Variants in BLK observed in about 807,000 individuals in gnomAD.
The protein encoded by BLK is tyrosine-protein kinase Blk.
In BLK, 64 loss-of-function variants were observed where a neutral mutation model predicts 61.8. The ratio of observed to expected loss-of-function variants is 1.03; its 90% CI spans 0.85 to 1.27. The LOEUF is 1.27. Among genes scored for constraint, BLK ranks in the 50% most tolerant of loss-of-function variants. The pLI is 0.00. For missense variants in BLK, 853 were observed against 660.5 expected (o/e 1.29, Z -3.19); for synonymous variants, 351 against 272.0 (o/e 1.29, Z -2.86).
Position 11,549,137 on chromosome 8 carries a change from G to C in BLK, c.368+15G>C. The C allele has an allele frequency of 1.3e-6, 2 of 1,586,220 alleles. 1 individual carries two copies. The highest frequency in any genetic ancestry group is 3.3e-4 in the Middle Eastern group (2 of 6,030). On this transcript the variant is annotated intron_variant, in intron 5 of 12. Coordinates refer to ENST00000259089, the MANE Select transcript of BLK (RefSeq NM_001715.3). Reference sequence around the variant, plus strand: ...GAAATGGAAAGGTAGGTGGGCACGGGAACCCCCCTCGAGCCAAGATGCAGT... The same window carrying C: ...GAAATGGAAAGGTAGGTGGGCACGGCAACCCCCCTCGAGCCAAGATGCAGT...
chr8:11,518,284 C>A (rs1442615628), intron 1 of BLK, among the ~76,000 whole-genome samples: 1 of 152,170 alleles, frequency 6.6e-6, no homozygotes, highest in East Asian at 1.9e-4. Context: ...ACGGTGCATC[C>A]TGTTAGAGCT....
intron 1 of BLK, among the ~76,000 whole-genome samples, chr8:11,519,499 A>G (rs968212233): frequency 3.3e-5 from 5 of 152,220 alleles, no homozygotes; most frequent in African/African-American, 1.2e-4. Context: ...AGTGGTATTT[A>G]CTATTAGCTT....
chr8:11,510,840 G>C lies in BLK; in HGVS notation c.-2+16249G>C, dbSNP rs187758278. Among the ~76,000 whole-genome samples the C allele has an allele frequency of 1.1e-3, 172 of 152,096 alleles. 2 individuals are homozygous for C. The highest frequency in any genetic ancestry group is 1.4e-3 in the Non-Finnish European group (94 of 67,994). Reference sequence around the variant, plus strand: ...AAATACATAAATAAAGTGCCTCTTTGTTAAGGCAGTTGCTTCTATTTCTAC... The same window carrying C: ...AAATACATAAATAAAGTGCCTCTTTCTTAAGGCAGTTGCTTCTATTTCTAC... On this transcript the variant is annotated intron_variant, in intron 1 of 12. Transcript: ENST00000259089.
intron 10 of BLK, chr8:11,560,675 C>T (rs1333797005): frequency 1.1e-5 from 4 of 358,666 alleles, no homozygotes; most frequent in Non-Finnish European, 1.1e-5. Context: ...TCTTCACAGC[C>T]TCTGTCCACC....
chr8:11,514,269 C>A (rs1295735439), intron 1 of BLK, among the ~76,000 whole-genome samples: 1 of 152,238 alleles, frequency 6.6e-6, no homozygotes, highest in Non-Finnish European at 1.5e-5. Flanking sequence ...GAGCCTTGAT[C>A]TGTCCACAGG....
intron 1 of BLK, among the ~76,000 whole-genome samples, chr8:11,500,630 C>A (rs552358488): frequency 6.6e-6 from 1 of 152,044 alleles, no homozygotes; most frequent in East Asian, 2.0e-4. Flanking sequence ...ATCCTCCCAC[C>A]TCAGCCTCCC....
At chr8:11,562,866 G>A in intron 11 of BLK, 113 bp from the exon 12 acceptor site, 1 of 1,484,582 alleles carries the variant, frequency 6.7e-7, no homozygotes, top group Non-Finnish European at 9.2e-7. Context: ...CGCCCTGTGA[G>A]GCCCCGCAGT....
Position 11,508,079 on chromosome 8 carries a change from A to T in BLK, c.-2+13488A>T, listed in dbSNP as rs981833253. Among the ~76,000 whole-genome samples the T allele has an allele frequency of 2.6e-5, 4 of 152,198 alleles. 1 individual carries two copies. The highest frequency in any genetic ancestry group is 5.9e-5 in the Non-Finnish European group (4 of 68,032). On this transcript the variant is annotated intron_variant, in intron 1 of 12. Coordinates refer to ENST00000259089, the MANE Select transcript of BLK (RefSeq NM_001715.3). ...GTCCTCACAACAGCCCCGTGATGTC[A>T]TCAGGAACCTGCCCACTGGCCCAGG...
At chr8:11,532,971 T>C (rs1217326261) in intron 1 of BLK, among the ~76,000 whole-genome samples, 1 of 152,246 alleles carries the variant, frequency 6.6e-6, no homozygotes, top group Non-Finnish European at 1.5e-5. Context: ...CCTGAGTTTC[T>C]TCATCTGTAA....
Position 11,501,007 on chromosome 8 carries a change from G to A in BLK, c.-2+6416G>A, listed in dbSNP as rs574493986. ...GAGGATTGCTTGAGGTCAGGGGTTC[G>A]AGACCAGCCTGGCCAACATGGTGAA... On this transcript the variant is annotated intron_variant, in intron 1 of 12. Coordinates refer to ENST00000259089, the MANE Select transcript of BLK (RefSeq NM_001715.3). 7.9e-5 allele frequency among the ~76,000 whole-genome samples: 12 copies of A among 151,840 alleles called. No homozygotes were observed. The South Asian group carries it at 1.0e-3, about 13-fold the overall frequency.
intron 1 of BLK, among the ~76,000 whole-genome samples, chr8:11,506,913 T>G (rs1798791489): frequency 1.3e-5 from 2 of 152,204 alleles, no homozygotes; most frequent in South Asian, 4.1e-4. Flanking sequence ...GGCTGAAAGA[T>G]CTGCATCACG....
At chr8:11,504,341 G>GAGGAAGGAAGGAAGGAAGGA (rs200525228) in intron 1 of BLK, among the ~76,000 whole-genome samples, 1 of 125,928 alleles carries the variant, frequency 7.9e-6, no homozygotes, top group African/African-American at 3.3e-5. Context: ...GAAAGGAAGG[G>GAGGAAGGAAGGAAGGAAGGA]AGGAAGGAAG....
Position 11,512,491 on chromosome 8 carries a change from G to C in BLK, c.-2+17900G>C, listed in dbSNP as rs116122041. On this transcript the variant is annotated intron_variant, in intron 1 of 12. Coordinates refer to ENST00000259089, the MANE Select transcript of BLK (RefSeq NM_001715.3). The stretch of plus-strand genomic sequence containing the variant: ...ATTTAGGTTCAATTGGGTCTCAACA[G>C]AGATTTTTACATGGGACTTCATGTT... 9.0e-3 allele frequency among the ~76,000 whole-genome samples: 1,376 copies of C among 152,302 alleles called. 8 individuals are homozygous for C. Among genetic ancestry groups the C allele is most frequent in the Middle Eastern group, 0.044 (13 of 294 alleles).
intron 8 of BLK, chr8:11,555,757 A>T: frequency 1.9e-6 from 1 of 533,728 alleles, no homozygotes; most frequent in African/African-American, 1.9e-5. Flanking sequence ...CTCTGCCTGA[A>T]GCTGGCTTTG....
chr8:11,512,955 C>G (rs1326628291), intron 1 of BLK, among the ~76,000 whole-genome samples: 3 of 152,202 alleles, frequency 2.0e-5, no homozygotes, highest in Admixed American at 2.0e-4. Flanking sequence ...GCGTGAGCCA[C>G]CGCGGCTGGT....
At chr8:11,537,905 C>A (rs958353593) in intron 1 of BLK, among the ~76,000 whole-genome samples, 1 of 152,192 alleles carries the variant, frequency 6.6e-6, no homozygotes, top group African/African-American at 2.4e-5. Flanking sequence ...CAAACATTGA[C>A]TGCCCTGCTC....
intron 1 of BLK, among the ~76,000 whole-genome samples, chr8:11,526,420 T>C (rs1298446395): frequency 6.6e-6 from 1 of 152,248 alleles, no homozygotes; most frequent in East Asian, 1.9e-4. Flanking sequence ...TATTAAGGCT[T>C]ATCATATATA....
chr8:11,506,275 A>T (rs2280805), intron 1 of BLK, among the ~76,000 whole-genome samples: 35,927 of 152,256 alleles, frequency 0.24, 5,836 homozygotes, highest in East Asian at 0.71. Context: ...GGACAATGCC[A>T]GGGCTTTTTG....
chr8:11,532,148 T>A (rs1370301121), intron 1 of BLK, among the ~76,000 whole-genome samples: 1 of 147,764 alleles, frequency 6.8e-6, no homozygotes, highest in Non-Finnish European at 1.5e-5. Flanking sequence ...CATGAGCCAA[T>A]GTACCTGGTC....
Sources: allele counts gnomAD v4.1 joint callset (sites outside exome capture counted in the v4.1 genomes callset), GRCh38; gene constraint gnomAD v4.1.1; transcripts MANE v1.5; gene names NCBI Gene and HGNC (gene_info 2026-07-23, HGNC 2026-07-21).